The following RAB30 variants were observed in gnomAD, a reference collection of about 807,000 sequenced individuals.
The protein encoded by RAB30 is ras-related protein Rab-30.
Under a neutral mutation model 25.1 loss-of-function variants are expected in RAB30, and 9 were observed. That is an observed-to-expected ratio of 0.36 (90% confidence interval 0.22 to 0.63). RAB30 has a LOEUF of 0.63. Ranked by LOEUF, RAB30 falls within the 20% of genes least tolerant of loss-of-function variation. The pLI is 0.69. For synonymous variants in RAB30, 77 were observed against 86.4 expected, an observed-to-expected ratio of 0.89 and a Z score of 0.60; for missense variants, 140 against 243.5, an observed-to-expected ratio of 0.58 and a Z score of 2.83.
chr11:82,985,528 TAGGTGATGG>T (rs1302256759), intron 4 of RAB30, among the ~76,000 whole-genome samples: 1 of 152,028 alleles, frequency 6.6e-6, no homozygotes, highest in Non-Finnish European at 1.5e-5. Context: ...GCAAGAAATA[TAGGTGATGG>T]AGGTGATATC....
intron 1 of RAB30, among the ~76,000 whole-genome samples, chr11:83,033,008 G>A (rs940939335): frequency 6.6e-6 from 1 of 151,310 alleles, no homozygotes; most frequent in Non-Finnish European, 1.5e-5. Context: ...TATTTTTCCA[G>A]GGAGAGGAGT....
At chr11:83,000,150 G>A (rs1421477408) in intron 1 of RAB30, among the ~76,000 whole-genome samples, 5 of 152,164 alleles carry the variant, frequency 3.3e-5, no homozygotes, top group African/African-American at 1.2e-4. Context: ...AAAAGCAGTC[G>A]TAAGGTCCCA....
chr11:83,067,858 G>A (rs1858741004), intron 1 of RAB30, among the ~76,000 whole-genome samples: 1 of 152,116 alleles, frequency 6.6e-6, no homozygotes, highest in South Asian at 2.1e-4. Flanking sequence ...AGGTGCGGTG[G>A]CTCACGCCTG....
intron 3 of RAB30, 83 bp downstream of exon 3, chr11:82,993,955 AT>A: frequency 9.1e-7 from 1 of 1,095,458 alleles, no homozygotes; most frequent in Non-Finnish European, 1.4e-6. Flanking sequence ...CAATTAGGAG[AT>A]TTAATAAATG....
At chr11:82,997,992 C>T (rs1303693515) in intron 1 of RAB30, among the ~76,000 whole-genome samples, 1 of 152,152 alleles carries the variant, frequency 6.6e-6, no homozygotes, top group Non-Finnish European at 1.5e-5. Context: ...CCCTTCCACC[C>T]CTTCTGCACC....
chr11:82,997,022 G>A (rs1029905927), intron 2 of RAB30, among the ~76,000 whole-genome samples: 20 of 152,152 alleles, frequency 1.3e-4, no homozygotes, highest in Admixed American at 1.1e-3. Flanking sequence ...GAGACTCCCA[G>A]GGCCATGCTC....
At chr11:83,061,792 C>G (rs1164095307) in intron 1 of RAB30, among the ~76,000 whole-genome samples, 1 of 128,474 alleles carries the variant, frequency 7.8e-6, no homozygotes, top group Admixed American at 9.7e-5. Flanking sequence ...CTCAAGCATT[C>G]TTCCTGTTCC....
At chr11:83,028,514 GCAGA>G (rs1172491449) in intron 1 of RAB30, among the ~76,000 whole-genome samples, 1 of 152,076 alleles carries the variant, frequency 6.6e-6, no homozygotes, top group Non-Finnish European at 1.5e-5. Flanking sequence ...TCAGAAAACT[GCAGA>G]CAAAGAGAAG....
In RAB30 at chr11:82,982,050, C is replaced by A. The variant is rs372791982; in HGVS notation, c.*115G>T. 6 of 1,412,220 alleles carry A rather than the reference C, an allele frequency of 4.2e-6. No individual in the cohort carries two copies. In the African/African-American group the frequency reaches 7.1e-5, roughly 17 times the overall value. The allele number at this position is 1,412,220 out of a possible 1,614,324, so 87.5% of individuals were successfully genotyped here. Reference sequence around the variant, plus strand: ...CTGCCATGCTTTGTAAGCTCAGGAGCCCACAGGAGTCAGAAGGTCAGAGAG... The same window carrying A: ...CTGCCATGCTTTGTAAGCTCAGGAGACCACAGGAGTCAGAAGGTCAGAGAG... On this transcript the variant is annotated 3_prime_UTR_variant, in exon 5 of 5. Transcript: ENST00000527633.
chr11:83,055,283 C>A (rs1858435000), intron 1 of RAB30, among the ~76,000 whole-genome samples: 1 of 152,250 alleles, frequency 6.6e-6, no homozygotes, highest in African/African-American at 2.4e-5. Flanking sequence ...CTGTCCAGCA[C>A]ACCACAACTT....
chr11:83,058,952 A>G (rs767873101), intron 1 of RAB30, among the ~76,000 whole-genome samples: 1 of 152,108 alleles, frequency 6.6e-6, no homozygotes, highest in African/African-American at 2.4e-5. Flanking sequence ...AGCCTTCTCT[A>G]ATGTCTTTTT....
intron 1 of RAB30, among the ~76,000 whole-genome samples, chr11:83,030,574 G>A (rs891495022): frequency 6.6e-6 from 1 of 152,108 alleles, no homozygotes; most frequent in Non-Finnish European, 1.5e-5. Flanking sequence ...GAAGTGGGCA[G>A]AACACCTGAG....
intron 1 of RAB30, among the ~76,000 whole-genome samples, chr11:83,053,174 T>C (rs1392901388): frequency 6.6e-6 from 1 of 152,248 alleles, no homozygotes; most frequent in East Asian, 1.9e-4. Context: ...TGAAGGAGCA[T>C]GAAGTAGAGG....
intron 3 of RAB30, among the ~76,000 whole-genome samples, 175 bp from the exon 4 acceptor site, chr11:82,987,945 TAAA>T (rs66865945): frequency 7.6e-4 from 89 of 117,048 alleles, no homozygotes; most frequent in African/African-American, 2.6e-3. Flanking sequence ...CACTGAAAAT[TAAA>T]AAAAAAAAAA....
At chr11:82,992,695 C>T (rs1361994334) in intron 3 of RAB30, among the ~76,000 whole-genome samples, 1 of 151,052 alleles carries the variant, frequency 6.6e-6, no homozygotes, top group Non-Finnish European at 1.5e-5. Flanking sequence ...CTTTCCATCC[C>T]TCCCCCAGCC....
intron 1 of RAB30, among the ~76,000 whole-genome samples, chr11:83,060,903 A>C (rs1425459485): frequency 6.6e-6 from 1 of 152,180 alleles, no homozygotes; most frequent in Non-Finnish European, 1.5e-5. Flanking sequence ...AAAAGCAGAG[A>C]AAAGGCGAAT....
chr11:83,019,867 T>C (rs1857526368), intron 1 of RAB30, among the ~76,000 whole-genome samples: 1 of 152,260 alleles, frequency 6.6e-6, no homozygotes, highest in Admixed American at 6.5e-5. Context: ...ACAGGCCGAA[T>C]GACTTTGGGC....
chr11:82,985,510 A>G (rs1218940519), intron 4 of RAB30, among the ~76,000 whole-genome samples: 1 of 152,152 alleles, frequency 6.6e-6, no homozygotes, highest in Non-Finnish European at 1.5e-5. Flanking sequence ...AGACTTATCT[A>G]TAAATCTGCA....
At chr11:83,019,751 C>T (rs1266820539) in intron 1 of RAB30, among the ~76,000 whole-genome samples, 1 of 152,138 alleles carries the variant, frequency 6.6e-6, no homozygotes, top group African/African-American at 2.4e-5. Context: ...TACTTTTTTT[C>T]AGTACGAAAT....
Sources: gnomAD v4.1 joint callset for allele counts (sites outside exome capture counted in the v4.1 genomes callset) on GRCh38, gnomAD v4.1.1 for gene constraint, MANE v1.5 for transcripts, NCBI Gene and HGNC (gene_info 2026-07-23, HGNC 2026-07-21) for gene names.